Variants in SLC8A1 observed in about 807,000 individuals in gnomAD.
SLC8A1 encodes the protein solute carrier family 8 member A1.
A neutral mutation model predicts 68.3 loss-of-function variants in SLC8A1; 18 were observed. The ratio of observed to expected loss-of-function variants is 0.26; its 90% confidence interval spans 0.18 to 0.39. SLC8A1 has a LOEUF of 0.39. Among genes scored for constraint, SLC8A1 ranks in the 10% least tolerant of loss-of-function variants. The probability of loss-of-function intolerance (pLI) is 1.00; values close to 1 mark genes in which losing one functional copy is unlikely to be tolerated. For missense variants in SLC8A1, 985 were observed against 1,156.7 expected, an observed-to-expected ratio of 0.85 and a Z score of 2.15; for synonymous variants, 475 against 415.5, an observed-to-expected ratio of 1.14 and a Z score of -1.74.
chr2:40,435,023 T>A (rs144338123), intron 1 of SLC8A1, among the ~76,000 whole-genome samples: 1 of 152,258 alleles, frequency 6.6e-6, no homozygotes, highest in East Asian at 1.9e-4. Context: ...CAGTTTTGAC[T>A]ACCAAGGAGG....
chr2:40,177,849 G>A (rs542163472), exon 3 of SLC8A1: 1 of 1,547,674 alleles, frequency 6.5e-7, no homozygotes, highest in Non-Finnish European at 8.7e-7. Flanking sequence ...TAATGGTAAT[G>A]ATCTTCCTGT....
At chr2:40,263,920 G>A (rs2065029309) in intron 2 of SLC8A1, among the ~76,000 whole-genome samples, 1 of 152,100 alleles carries the variant, frequency 6.6e-6, no homozygotes, top group African/African-American at 2.4e-5. Flanking sequence ...GCAACCTACA[G>A]AATGGCAGAA....
At chr2:40,399,382 T>A (rs1411042028) in intron 2 of SLC8A1, among the ~76,000 whole-genome samples, 1 of 151,526 alleles carries the variant, frequency 6.6e-6, no homozygotes, top group East Asian at 1.9e-4. Flanking sequence ...TGGGGAAAAA[T>A]CAACAGAAAC....
intron 2 of SLC8A1, among the ~76,000 whole-genome samples, chr2:40,261,743 G>A (rs528527064): frequency 1.3e-3 from 1 of 798 alleles, no homozygotes; most frequent in Non-Finnish European, 2.4e-3. Flanking sequence ...CTGCGTAAGT[G>A]CCACAGTCGT....
intron 2 of SLC8A1, among the ~76,000 whole-genome samples, chr2:40,216,808 A>T (rs2057563013): frequency 6.6e-6 from 1 of 151,998 alleles, no homozygotes; most frequent in Non-Finnish European, 1.5e-5. Context: ...CTTCTTTAGG[A>T]AGTGTCTGTT....
intron 2 of SLC8A1, among the ~76,000 whole-genome samples, chr2:40,279,043 C>G (rs1046606359): frequency 6.6e-6 from 1 of 152,086 alleles, no homozygotes; most frequent in African/African-American, 2.4e-5. Context: ...AAGGCCAAAA[C>G]CCTGATTCAA....
intron 2 of SLC8A1, chr2:40,337,313 CA>C (rs1466371128): frequency 2.8e-6 from 1 of 351,288 alleles, no homozygotes; most frequent in Admixed American, 2.4e-5. Flanking sequence ...TCATCATAAA[CA>C]GTGATATTGT....
At chr2:40,494,241 A>G (rs1400484417) in intron 1 of SLC8A1, among the ~76,000 whole-genome samples, 3 of 152,086 alleles carry the variant, frequency 2.0e-5, no homozygotes, top group Non-Finnish European at 2.9e-5. Context: ...CCTCAATCCA[A>G]TAGCTTTTAA....
At chr2:40,403,306 T>C (rs1689301350) in intron 2 of SLC8A1, among the ~76,000 whole-genome samples, 1 of 152,184 alleles carries the variant, frequency 6.6e-6, no homozygotes, top group South Asian at 2.1e-4. Context: ...AACTCTTAAT[T>C]ACTTAAGGAG....
intron 2 of SLC8A1, among the ~76,000 whole-genome samples, chr2:40,393,671 A>C (rs1482684266): frequency 6.6e-6 from 1 of 152,168 alleles, no homozygotes; most frequent in Non-Finnish European, 1.5e-5. Flanking sequence ...GTAATGTGAA[A>C]AAATAAAGAA....
intron 6 of SLC8A1, among the ~76,000 whole-genome samples, chr2:40,154,535 G>A (rs186858049): frequency 0.024 from 3,404 of 142,564 alleles, 72 homozygotes; most frequent in Non-Finnish European, 0.036. Context: ...CACCGTGTTA[G>A]CCAGGATGGT....
intron 2 of SLC8A1, among the ~76,000 whole-genome samples, chr2:40,418,727 T>C (rs1348687832): frequency 6.6e-6 from 1 of 152,218 alleles, no homozygotes; most frequent in East Asian, 1.9e-4. Flanking sequence ...GAGTTCATTA[T>C]TGCCATGAAA....
intron 6 of SLC8A1, 35 bp downstream of exon 9, chr2:40,160,730 A>G: frequency 6.3e-7 from 1 of 1,590,490 alleles, no homozygotes; most frequent in Admixed American, 1.7e-5. Flanking sequence ...AGATTGGGCA[A>G]TTTTAATTTA....
intron 1 of SLC8A1, among the ~76,000 whole-genome samples, chr2:40,498,943 A>G (rs1274779145): frequency 6.6e-6 from 1 of 152,050 alleles, no homozygotes; most frequent in African/African-American, 2.4e-5. Flanking sequence ...CAACATACAA[A>G]CTAAATTAAT....
chr2:40,169,986 G>A (rs1483180450), intron 4 of SLC8A1, among the ~76,000 whole-genome samples: 1 of 152,134 alleles, frequency 6.6e-6, no homozygotes, highest in Non-Finnish European at 1.5e-5. Context: ...GATAAAAACT[G>A]ATGTGCGAGA....
intron 2 of SLC8A1, among the ~76,000 whole-genome samples, chr2:40,404,364 C>G (rs936796369): frequency 6.6e-6 from 1 of 152,200 alleles, no homozygotes; most frequent in African/African-American, 2.4e-5. Flanking sequence ...AAGAACCATT[C>G]TACATTTCCT....
chr2:40,293,784 A>C (rs1456434102), intron 2 of SLC8A1, among the ~76,000 whole-genome samples: 1 of 152,158 alleles, frequency 6.6e-6, no homozygotes, highest in African/African-American at 2.4e-5. Context: ...ATATAGATGG[A>C]ATAGGGTATG....
chr2:40,290,758 ACTTT>A (rs1415766907), intron 2 of SLC8A1, among the ~76,000 whole-genome samples: 3 of 152,160 alleles, frequency 2.0e-5, no homozygotes, highest in African/African-American at 7.2e-5. Flanking sequence ...AGTAATAACA[ACTTT>A]CTTCTCTTTA....
chr2:40,507,753 G>C (rs949510972), intron 1 of SLC8A1, among the ~76,000 whole-genome samples: 3 of 151,974 alleles, frequency 2.0e-5, no homozygotes, highest in Admixed American at 2.0e-4. Flanking sequence ...CTAATTGTCA[G>C]AATTAATAAA....
Sources: gnomAD v4.1 joint callset for allele counts (sites outside exome capture counted in the v4.1 genomes callset) on GRCh38, gnomAD v4.1.1 for gene constraint, MANE v1.5 for transcripts, NCBI Gene and HGNC (gene_info 2026-07-23, HGNC 2026-07-21) for gene names.